Variants in NOL11 observed in about 807,000 individuals in gnomAD.
NOL11 encodes nucleolar protein 11.
In NOL11, 42 loss-of-function variants were observed where a neutral mutation model predicts 93.0. The observed-to-expected ratio is 0.45, with a 90% confidence interval of 0.35 to 0.58. The LOEUF is 0.58. Ranked by LOEUF, NOL11 falls within the 20% of genes least tolerant of loss-of-function variation. The pLI is 0.00. For missense variants in NOL11, 775 were observed against 841.8 expected (o/e 0.92, Z 0.98); for synonymous variants, 296 against 293.7 (o/e 1.01, Z -0.08).
rs1388993545 is a variant in NOL11, at chr17:67,744,190, C to T, written c.*331C>T. ...ATTTTTTCTTTTAATAAAAAATGAC[C>T]ATTGAAGCAGTGATTCTAGGAAGAA... On this transcript the variant is annotated 3_prime_UTR_variant, in exon 18 of 18. Transcript: ENST00000253247. 1.3e-5 allele frequency: 2 copies of T among 154,468 alleles called. No homozygotes were observed. Among genetic ancestry groups the T allele is most frequent in the Non-Finnish European group, 2.9e-5 (2 of 69,662 alleles). 9.6% of individuals were successfully genotyped at this position (154,468 alleles called of 1,614,324 possible).
chr17:67,728,840 A>AGTGTGCT (rs1277472759), intron 7 of NOL11, among the ~76,000 whole-genome samples: 1 of 152,182 alleles, frequency 6.6e-6, no homozygotes, highest in African/African-American at 2.4e-5. Flanking sequence ...GTGGCCCCAC[A>AGTGTGCT]GTGTGCTTCA....
At chr17:67,718,125 TC>T in intron 1 of NOL11, 37 bp downstream of exon 1, 1 of 1,596,198 alleles carries the variant, frequency 6.3e-7, no homozygotes, top group East Asian at 2.2e-5. Flanking sequence ...CCGACTGCCT[TC>T]TCGCCCCTTT....
intron 7 of NOL11, among the ~76,000 whole-genome samples, chr17:67,732,609 C>G (rs1196324481): frequency 6.6e-6 from 1 of 151,488 alleles, no homozygotes; most frequent in Non-Finnish European, 1.5e-5. Context: ...GAGTCTTACT[C>G]TGTTGCAGGG....
chr17:67,727,456 C>G (rs894783384), intron 7 of NOL11, among the ~76,000 whole-genome samples: 2 of 151,912 alleles, frequency 1.3e-5, no homozygotes, highest in Non-Finnish European at 2.9e-5. Context: ...GAGGGGAGCT[C>G]GAGCCAGCCT....
chr17:67,718,738 T>A (rs2043194675), intron 1 of NOL11, among the ~76,000 whole-genome samples: 1 of 152,236 alleles, frequency 6.6e-6, no homozygotes, highest in Non-Finnish European at 1.5e-5. Context: ...GCAGTTACTT[T>A]TCTCTGGGCT....
chr17:67,726,430 T>C lies in NOL11; in HGVS notation c.665-30T>C, dbSNP rs764321722. 5 of 1,574,590 alleles carry C rather than the reference T, an allele frequency of 3.2e-6. No individual in the cohort carries two copies. The African/African-American group carries it at 5.5e-5, about 17-fold the overall frequency. On this transcript the variant is annotated intron_variant, in intron 6 of 17. Transcript: ENST00000253247. ...TAATAGATATAGAAGTATCCTTCAATAACCAACAACAAATGCTTGTTTCCA... is the reference window on the plus strand; with the variant it reads ...TAATAGATATAGAAGTATCCTTCAACAACCAACAACAAATGCTTGTTTCCA...
At chr17:67,724,379 G>A (rs1329705270) in intron 6 of NOL11, among the ~76,000 whole-genome samples, 186 bp downstream of exon 6, 2 of 147,854 alleles carry the variant, frequency 1.4e-5, no homozygotes, top group African/African-American at 5.0e-5. Context: ...TGTCGCCCAG[G>A]CTGGAATGCA....
At chr17:67,732,520 G>A (rs1335508558) in intron 7 of NOL11, among the ~76,000 whole-genome samples, 2 of 151,498 alleles carry the variant, frequency 1.3e-5, no homozygotes, top group Non-Finnish European at 2.9e-5. Flanking sequence ...TTATTCCTAG[G>A]TATTTTATTC....
chr17:67,726,454 C>T lies in NOL11; in HGVS notation c.665-6C>T, dbSNP rs753941339. The T allele has an allele frequency of 2.5e-6, 4 of 1,599,996 alleles. No homozygotes were observed. Among genetic ancestry groups the T allele is most frequent in the Non-Finnish European group, 3.4e-6 (4 of 1,174,922 alleles). On this transcript the variant is annotated splice_polypyrimidine_tract_variant and splice_region_variant and intron_variant, in intron 6 of 17. Coordinates refer to ENST00000253247, the MANE Select transcript of NOL11 (RefSeq NM_015462.5). ...ATAACCAACAACAAATGCTTGTTTC[C>T]AACAGGCTCTGATGGTTGTATATAT...
chr17:67,734,823 T>G (rs919741023), intron 8 of NOL11, among the ~76,000 whole-genome samples: 3 of 152,218 alleles, frequency 2.0e-5, no homozygotes, highest in Non-Finnish European at 4.4e-5. Flanking sequence ...TCTCTGTAAA[T>G]AAATAAGTAA....
chr17:67,731,652 TG>T (rs1296827626), intron 7 of NOL11, among the ~76,000 whole-genome samples: 2 of 152,258 alleles, frequency 1.3e-5, no homozygotes, highest in Admixed American at 1.3e-4. Flanking sequence ...CTTCAAAGAA[TG>T]TTATGGTTTT....
chr17:67,742,462 T>A (rs2143149048), intron 16 of NOL11, among the ~76,000 whole-genome samples: 1 of 152,352 alleles, frequency 6.6e-6, no homozygotes, highest in East Asian at 1.9e-4. Flanking sequence ...TTGTAAGTTA[T>A]TTGTCTTTTT....
At chr17:67,721,852 T>C (rs1021304000) in intron 4 of NOL11, among the ~76,000 whole-genome samples, 4 of 152,146 alleles carry the variant, frequency 2.6e-5, no homozygotes, top group Non-Finnish European at 1.5e-5. Flanking sequence ...TAAAAGTGCA[T>C]CGTGTTAGTG....
rs2043200426 is a variant in NOL11 at position 67,719,381 on chromosome 17, C to G, written c.142-293C>G. 1.4e-5 allele frequency: 3 copies of G among 211,636 alleles called. No homozygotes were observed. In the South Asian group the frequency reaches 1.9e-4, roughly 13 times the overall value. 13.1% of individuals were successfully genotyped at this position (211,636 alleles called of 1,614,324 possible). The stretch of plus-strand genomic sequence containing the variant: ...GTTAAAGCGATTCTGCTGCCTCAGC[C>G]TCCTGAGTAATTGGGGTTACAGGCG... On this transcript the variant is annotated intron_variant, in intron 1 of 17. Coordinates refer to ENST00000253247, the MANE Select transcript of NOL11 (RefSeq NM_015462.5).
At chr17:67,718,661 C>T (rs1382146713) in intron 1 of NOL11, among the ~76,000 whole-genome samples, 2 of 152,186 alleles carry the variant, frequency 1.3e-5, no homozygotes, top group South Asian at 2.1e-4. Context: ...GCAAGCCCTG[C>T]CCCCATTTCA....
At chr17:67,738,511 G>A (rs2055225228) in intron 14 of NOL11, 156 bp downstream of exon 14, 9 of 598,366 alleles carry the variant, frequency 1.5e-5, no homozygotes, top group Admixed American at 3.0e-5. Context: ...TCAATGCTAC[G>A]TTAAGTAAGG....
chr17:67,743,126 G>A (rs2143150907), intron 16 of NOL11, among the ~76,000 whole-genome samples: 1 of 152,200 alleles, frequency 6.6e-6, no homozygotes, highest in South Asian at 2.1e-4. Flanking sequence ...TGTAATCCCA[G>A]CAACTCTGGA....
In NOL11 at chr17:67,737,151, T is replaced by C; in HGVS notation, c.1218+6T>C. The C allele has an allele frequency of 6.5e-7, 1 of 1,534,344 alleles. No individual in the cohort carries two copies. ...AACTTTTGTCAACCATAATGGTAAA[T>C]AAATAATATTGAAATATGAAAAATC... is the stretch of plus-strand genomic sequence containing the variant. On this transcript the variant is annotated splice_donor_region_variant and intron_variant, in intron 11 of 17. Transcript: ENST00000253247.
chr17:67,720,515 G>C (rs1263356866), intron 3 of NOL11: 2 of 152,290 alleles, frequency 1.3e-5, no homozygotes, highest in Admixed American at 1.3e-4. Flanking sequence ...TGGCCAGGCT[G>C]GTCTTGAACT....
Sources: gnomAD v4.1 joint callset for allele counts (sites outside exome capture counted in the v4.1 genomes callset) on GRCh38, gnomAD v4.1.1 for gene constraint, MANE v1.5 for transcripts, NCBI Gene and HGNC (gene_info 2026-07-23, HGNC 2026-07-21) for gene names.